RSBN1: variants seen among roughly 807,000 people sequenced by gnomAD.
The protein encoded by RSBN1 is round spermatid basic protein 1.
RSBN1 carries 23 observed loss-of-function variants against 74.8 expected under a neutral mutation model. The observed-to-expected ratio is 0.31, with a 90% confidence interval of 0.22 to 0.44. RSBN1 has a LOEUF of 0.44. RSBN1 is among the 20% of genes least tolerant of loss of function. RSBN1 has a pLI of 1.00. For synonymous variants in RSBN1, 407 were observed against 379.6 expected, an observed-to-expected ratio of 1.07 and a Z score of -0.84; for missense variants, 808 against 1,020.9, an observed-to-expected ratio of 0.79 and a Z score of 2.84.
chr1:113,802,094 G>A (rs2101823248), intron 1 of RSBN1, among the ~76,000 whole-genome samples: 1 of 151,958 alleles, frequency 6.6e-6, no homozygotes, highest in South Asian at 2.1e-4. Flanking sequence ...AGCTGGGACT[G>A]CAGGTGCACA....
chr1:113,781,908 C>T (rs1287692303), intron 2 of RSBN1, among the ~76,000 whole-genome samples: 2 of 152,122 alleles, frequency 1.3e-5, no homozygotes, highest in Admixed American at 6.5e-5. Context: ...CTTCAGGATT[C>T]CTATCCCCAA....
Position 113,777,323 on chromosome 1 carries a change from G to A in RSBN1, c.1545C>T (p.Ser515=). The A allele has an allele frequency of 6.2e-7, 1 of 1,611,738 alleles. No homozygotes were observed. The highest frequency in any genetic ancestry group is 8.5e-7 in the Non-Finnish European group (1 of 1,178,566). ...KMTLPWGTLS[S]LRLQCRSQSD... is the part of the protein sequence containing the mutation. ...TCTGGGACCTACACTGGAGTCGGAG[G>A]CTAGAAAGTGTACCCCAGGGCAAAG... Residue 515 remains serine (S), a synonymous_variant, in exon 4 of 7, where the codon AGC becomes AGT. Coordinates refer to ENST00000261441, the MANE Select transcript of RSBN1 (RefSeq NM_018364.5).
rs376758513 is a variant in RSBN1 at position 113,767,250 on chromosome 1, A to G, written c.1827-43T>C. The G allele has an allele frequency of 2.1e-4, 230 of 1,081,838 alleles. 1 individual carries two copies. The African/African-American group carries it at 3.2e-3, about 15-fold the overall frequency. 67.0% of individuals were successfully genotyped at this position (1,081,838 alleles called of 1,614,324 possible). On this transcript the variant is annotated intron_variant, in intron 5 of 6. Transcript: ENST00000261441. ...AAGTTTCAGAGACAAACATCTCACA[A>G]TGAAAAATGATGACAAATTTCAGTT... is the stretch of plus-strand genomic sequence containing the variant.
intron 5 of RSBN1, 138 bp downstream of exon 5, chr1:113,768,084 C>G (rs1659817318): frequency 1.6e-6 from 1 of 629,112 alleles, no homozygotes; most frequent in Non-Finnish European, 2.6e-6. Flanking sequence ...ACCAAATGTA[C>G]ATTTAAAAAT....
intron 2 of RSBN1, among the ~76,000 whole-genome samples, chr1:113,785,733 T>C (rs891011675): frequency 2.6e-5 from 4 of 152,196 alleles, no homozygotes; most frequent in African/African-American, 7.2e-5. Context: ...TGAAGTAACA[T>C]TGAGCTCAAA....
At chr1:113,774,598 A>T (rs1659978864) in intron 4 of RSBN1, among the ~76,000 whole-genome samples, 1 of 151,966 alleles carries the variant, frequency 6.6e-6, no homozygotes, top group Non-Finnish European at 1.5e-5. Context: ...AATGGTGTGA[A>T]CCCGGGAGGA....
chr1:113,798,513 C>T (rs1435959975), intron 1 of RSBN1, among the ~76,000 whole-genome samples: 1 of 152,102 alleles, frequency 6.6e-6, no homozygotes, highest in Non-Finnish European at 1.5e-5. Context: ...CAAAGTAAGC[C>T]ATGAGATATC....
chr1:113,794,158 G>C (rs1660424180), intron 2 of RSBN1, among the ~76,000 whole-genome samples: 1 of 152,038 alleles, frequency 6.6e-6, no homozygotes, highest in South Asian at 2.1e-4. Flanking sequence ...ACCAAGACTA[G>C]TTAAATCTCA....
chr1:113,792,729 G>C (rs1258911659), intron 2 of RSBN1, among the ~76,000 whole-genome samples: 1 of 152,064 alleles, frequency 6.6e-6, no homozygotes, highest in Non-Finnish European at 1.5e-5. Context: ...AGGAGTTCAA[G>C]GCCTCAGTGA....
In RSBN1 at chr1:113,777,322, G is replaced by A; in HGVS notation, c.1546C>T (p.Leu516Phe). 6.2e-7 allele frequency: 1 copy of A among 1,611,804 alleles called. No individual in the cohort carries two copies. Among genetic ancestry groups the A allele is most frequent in the South Asian group, 1.1e-5 (1 of 90,636 alleles). The change falls in exon 4 of 7, where the codon CTC becomes TTC. Residue 516 changes from leucine (L) to phenylalanine (F), a missense_variant. Around this residue, in one of 6 missense-constraint regions of RSBN1, gnomAD observed 112 missense variants for 257.3 expected, o/e 0.44. Coordinates refer to ENST00000261441, the MANE Select transcript of RSBN1 (RefSeq NM_018364.5). ...MTLPWGTLSS[L>F]RLQCRSQSDD... Reference sequence around the variant, plus strand: ...CTCTGGGACCTACACTGGAGTCGGAGGCTAGAAAGTGTACCCCAGGGCAAA... The same window carrying A: ...CTCTGGGACCTACACTGGAGTCGGAAGCTAGAAAGTGTACCCCAGGGCAAA...
intron 1 of RSBN1, among the ~76,000 whole-genome samples, chr1:113,808,265 C>T (rs1195782278): frequency 6.6e-6 from 1 of 152,096 alleles, no homozygotes; most frequent in Admixed American, 6.6e-5. Context: ...ACATCCTCCC[C>T]TATATTTTAA....
intron 1 of RSBN1, among the ~76,000 whole-genome samples, chr1:113,801,807 T>C (rs554256184): frequency 6.6e-6 from 1 of 152,342 alleles, no homozygotes; most frequent in Admixed American, 6.5e-5. Context: ...AACAAATTGC[T>C]GGCTGTCTTT....
At chr1:113,809,210 G>A (rs1240295041) in intron 1 of RSBN1, among the ~76,000 whole-genome samples, 1 of 152,184 alleles carries the variant, frequency 6.6e-6, no homozygotes, top group Non-Finnish European at 1.5e-5. Flanking sequence ...TTAAGTAAGT[G>A]CCTACAATGA....
chr1:113,800,878 T>C (rs975111517), intron 1 of RSBN1, among the ~76,000 whole-genome samples: 1 of 151,586 alleles, frequency 6.6e-6, no homozygotes, highest in Non-Finnish European at 1.5e-5. Flanking sequence ...AGAAAACCAC[T>C]GTATAAAGAA....
At chr1:113,793,570 C>G (rs938247499) in intron 2 of RSBN1, among the ~76,000 whole-genome samples, 1 of 152,162 alleles carries the variant, frequency 6.6e-6, no homozygotes, top group Non-Finnish European at 1.5e-5. Context: ...ATTGCTGGTT[C>G]CATCTTCTGC....
intron 2 of RSBN1, 149 bp from the exon 3 acceptor site, chr1:113,777,957 C>T (rs1364335776): frequency 1.7e-6 from 1 of 595,096 alleles, no homozygotes; most frequent in Non-Finnish European, 2.6e-6. Context: ...CAGAGAGGCA[C>T]CCAAGCACAC....
chr1:113,767,330 G>A (rs1659800400), intron 5 of RSBN1, 123 bp from the exon 6 acceptor site: 3 of 465,916 alleles, frequency 6.4e-6, no homozygotes, highest in South Asian at 5.2e-5. Flanking sequence ...TAGTTTCTAA[G>A]GACTAGGTAT....
chr1:113,766,540 C>A (rs1659784793), intron 6 of RSBN1, 87 bp from the exon 7 acceptor site: 3 of 811,766 alleles, frequency 3.7e-6, no homozygotes, highest in Admixed American at 4.9e-5. Context: ...ACAGTAGAAA[C>A]AAAATGTGTC....
At position 113,768,203 on chromosome 1, in the gene RSBN1, T is replaced by G. The variant is rs541504899; in HGVS notation, c.1826+19A>C. Reference sequence around the variant, plus strand: ...TATACAATATTAACCAACCTTGCAGTTGAGTTCAATTAACTCACCATTCAC... The same window carrying G: ...TATACAATATTAACCAACCTTGCAGGTGAGTTCAATTAACTCACCATTCAC... On this transcript the variant is annotated intron_variant, in intron 5 of 6. Coordinates refer to ENST00000261441, the MANE Select transcript of RSBN1 (RefSeq NM_018364.5). 26 of 1,587,002 alleles carry G rather than the reference T, an allele frequency of 1.6e-5. No homozygotes were observed. The highest frequency in any genetic ancestry group is 1.6e-4 in the East Asian group (7 of 44,532).
Sources: gnomAD v4.1 joint callset for allele counts (sites outside exome capture counted in the v4.1 genomes callset) on GRCh38, gnomAD v4.1.1 for gene constraint, gnomAD v4.1.1 regional missense constraint, MANE v1.5 for transcripts, NCBI Gene and HGNC (gene_info 2026-07-23, HGNC 2026-07-21) for gene names.